The following AGMAT variants were observed in gnomAD, a reference collection of about 807,000 sequenced individuals.
AGMAT encodes the protein agmatinase (putative), also known as guanidino acid hydrolase, mitochondrial.
AGMAT carries 37 observed loss-of-function variants against 29.3 expected under a neutral mutation model. That is an observed-to-expected ratio of 1.26 (90% CI 0.97 to 1.66). The LOEUF (loss-of-function observed/expected upper bound fraction) is 1.66, where lower values mean the gene tolerates loss of function less well. Ranked by LOEUF, AGMAT falls within the 40% of genes most tolerant of loss-of-function variation. AGMAT has a pLI of 0.00. For synonymous variants in AGMAT, 199 were observed against 200.8 expected (o/e 0.99, Z 0.08); for missense variants, 498 against 497.8 (o/e 1.00, Z 0.00).
chr1:15,584,847 G>T lies in AGMAT; in HGVS notation c.121C>A (p.Arg41=), dbSNP rs1364351809. 7.0e-7 allele frequency: 1 copy of T among 1,428,504 alleles called. No homozygotes were observed. The highest frequency in any genetic ancestry group is 9.1e-7 in the Non-Finnish European group (1 of 1,096,290). The allele number at this position is 1,428,504 out of a possible 1,614,324, so 88.5% of individuals were successfully genotyped here. A position where few individuals can be genotyped will look rare whatever the true frequency, so the allele number is the denominator to read the frequency against. ...AACTCGGGGCTGGGGGGCTGGTTCC[G>T]GGGCGCGTCGGAAGCCTGGCGGCTC... ...RQSRQASDAP[R]NQPPSPEFVA... is the part of the protein sequence containing the mutation. The change falls in exon 1 of 7, where the codon CGG becomes AGG. Residue 41 remains arginine, a synonymous_variant. Coordinates refer to ENST00000375826, the MANE Select transcript of AGMAT (RefSeq NM_024758.5).
chr1:15,578,297 CT>C (rs113144511), intron 4 of AGMAT, among the ~76,000 whole-genome samples: 11 of 149,168 alleles, frequency 7.4e-5, no homozygotes, highest in African/African-American at 1.5e-4. Flanking sequence ...TTCCTCCCCT[CT>C]TTTTTTTTTC....
chr1:15,577,776 G>C lies in AGMAT; in HGVS notation c.809C>G (p.Pro270Arg). 1 of 1,614,114 alleles carries C rather than the reference G, an allele frequency of 6.2e-7. No homozygotes were observed. The highest frequency in any genetic ancestry group is 8.5e-7 in the Non-Finnish European group (1 of 1,180,026). ...GTCAATATCAAAGCTGATATAAATG[G>C]GTTTGCCTCCCATCTGCTGCCTGAC... Reference protein sequence around the residue: ...GEVRQQMGGKPIYISFDIDAL... With the variant: ...GEVRQQMGGKRIYISFDIDAL... Residue 270 changes from proline (P) to arginine (R), a missense_variant, in exon 5 of 7, where the codon CCC becomes CGC. Transcript: ENST00000375826.
At chr1:15,580,501 AG>A (rs1443421898) in intron 2 of AGMAT, among the ~76,000 whole-genome samples, 1 of 151,356 alleles carries the variant, frequency 6.6e-6, no homozygotes, top group Non-Finnish European at 1.5e-5. Context: ...CACCATGCCC[AG>A]CTGAATAATC....
At position 15,585,029 on chromosome 1, in the gene AGMAT, G is replaced by T; in HGVS notation, c.-62C>A. ...CCGCGAGGCCGCCGCGATCTGGCTGGTCCCGAACGGCGAGGCGAGTGTGCA... is the reference window on the plus strand; with the variant it reads ...CCGCGAGGCCGCCGCGATCTGGCTGTTCCCGAACGGCGAGGCGAGTGTGCA... On this transcript the variant is annotated 5_prime_UTR_variant, in exon 1 of 7. Coordinates refer to ENST00000375826, the MANE Select transcript of AGMAT (RefSeq NM_024758.5). The T allele has an allele frequency of 7.9e-7, 1 of 1,271,896 alleles. No individual in the cohort carries two copies. Among genetic ancestry groups the T allele is most frequent in the Non-Finnish European group, 9.9e-7 (1 of 1,011,664 alleles). The allele number at this position is 1,271,896 out of a possible 1,614,324, so 78.8% of individuals were successfully genotyped here.
chr1:15,576,401 G>A (rs1399968023), intron 5 of AGMAT, among the ~76,000 whole-genome samples: 7 of 151,216 alleles, frequency 4.6e-5, no homozygotes, highest in Admixed American at 2.0e-4. Context: ...CACTGCGCCC[G>A]GCCAAGTTTA....
Position 15,584,743 on chromosome 1 carries a change from G to T in AGMAT, c.225C>A (p.Phe75Leu). 5.2e-6 allele frequency: 7 copies of T among 1,348,072 alleles called. No homozygotes were observed. The highest frequency in any genetic ancestry group is 6.7e-6 in the Non-Finnish European group (7 of 1,044,560). The allele number at this position is 1,348,072 out of a possible 1,614,324, so 83.5% of individuals were successfully genotyped here. ...QTSPEGLDAA[F>L]IGVPLDTGTS... ...TCCCAGTATCCAGGGGCACCCCGAT[G>T]AAGGCAGCGTCCAGCCCCTCGGGGG... The change falls in exon 1 of 7, where the codon TTC becomes TTA. Residue 75 changes from phenylalanine to leucine, a missense_variant. Physicochemically the swap from Phe to Leu is conservative, Grantham distance 22. Transcript: ENST00000375826.
chr1:15,584,940 C>A lies in AGMAT; in HGVS notation c.28G>T (p.Ala10Ser), dbSNP rs914510096. 4.1e-5 allele frequency: 56 copies of A among 1,363,824 alleles called. 1 individual carries two copies. The Admixed American group carries it at 2.0e-3, about 49-fold the overall frequency. 84.5% of individuals were successfully genotyped at this position (1,363,824 alleles called of 1,614,324 possible). A position where few individuals can be genotyped will look rare whatever the true frequency, so the allele number is the denominator to read the frequency against. Residue 10 changes from alanine (A) to serine (S), a missense_variant, in exon 1 of 7, where the codon GCC (alanine) becomes TCC (serine). Ala to Ser is a moderately conservative substitution (Grantham distance 99). Transcript: ENST00000375826. Reference protein sequence around the residue: MLRLLASGCARGPGPGVGAR... With the variant: MLRLLASGCSRGPGPGVGAR... ...CCCACGCCGGGCCCCGGGCCCCGGGCGCACCCGGACGCCAGCAGCCTCAGC... is the reference window on the plus strand; with the variant it reads ...CCCACGCCGGGCCCCGGGCCCCGGGAGCACCCGGACGCCAGCAGCCTCAGC...
chr1:15,578,838 G>A (rs779379384), intron 4 of AGMAT, 21 bp downstream of exon 4: 4 of 1,610,768 alleles, frequency 2.5e-6, no homozygotes, highest in South Asian at 1.1e-5. Flanking sequence ...GGGCAAGGGT[G>A]GGGGGCATTC....
At chr1:15,584,582 C>G in intron 1 of AGMAT, 114 bp downstream of exon 1, 1 of 1,151,996 alleles carries the variant, frequency 8.7e-7, no homozygotes, top group Non-Finnish European at 1.1e-6. Context: ...AGCCGGCCAC[C>G]AGCTTCCAAC....
At chr1:15,575,729 T>TTTATTTA (rs373735878) in intron 5 of AGMAT, 1 of 142,702 alleles carries the variant, frequency 7.0e-6, no homozygotes, top group South Asian at 2.3e-4. Context: ...TCACATGCAC[T>TTTATTTA]TTTATTTATT....
In AGMAT at chr1:15,573,410, GA is replaced by G. The variant is rs375350467; in HGVS notation, c.*240del. On this transcript the variant is annotated 3_prime_UTR_variant, in exon 7 of 7. Coordinates refer to ENST00000375826, the MANE Select transcript of AGMAT (RefSeq NM_024758.5). The stretch of plus-strand genomic sequence containing the variant: ...CTTTATCCTCCATCTTTCATCAAAG[GA>G]AAAAAAATCAAAGCAGTACAAGTAC... 5 of 414,214 alleles carry G rather than the reference GA, an allele frequency of 1.2e-5. No homozygotes were observed. The highest frequency in any genetic ancestry group is 1.8e-5 in the Non-Finnish European group (4 of 227,166). The allele number at this position is 414,214 out of a possible 1,614,324, so 25.7% of individuals were successfully genotyped here.
At position 15,577,686 on chromosome 1, in the gene AGMAT, T is replaced by A; in HGVS notation, c.899A>T (p.Gln300Leu). ...TPEIAGLTPSQALEIIRGCQG... is the reference protein window; with the variant it reads ...TPEIAGLTPSLALEIIRGCQG... ...TCTTCACTGGTGGAATCTCCTTACC[T>A]GACTAGGAGTGAGACCAGCAATTTC... Residue 300 changes from glutamine to leucine, a missense_variant and splice_region_variant, in exon 5 of 7, where the codon CAG becomes CTG. By Grantham distance (113) the Gln-to-Leu change is moderately radical. Transcript: ENST00000375826. 1 of 1,611,264 alleles carries A rather than the reference T, an allele frequency of 6.2e-7. No individual in the cohort carries two copies. The highest frequency in any genetic ancestry group is 8.5e-7 in the Non-Finnish European group (1 of 1,177,866).
At chr1:15,576,655 C>G (rs1237000753) in intron 5 of AGMAT, among the ~76,000 whole-genome samples, 5 of 149,626 alleles carry the variant, frequency 3.3e-5, no homozygotes, top group Admixed American at 1.3e-4. Flanking sequence ...GTCTCGAACT[C>G]CTGACCTTGT....
At chr1:15,582,191 G>A (rs1056498000) in intron 2 of AGMAT, among the ~76,000 whole-genome samples, 12 of 151,554 alleles carry the variant, frequency 7.9e-5, no homozygotes, top group African/African-American at 2.2e-4. Context: ...GCTTGAACCC[G>A]GGAGGCGGAG....
intron 5 of AGMAT, 38 bp downstream of exon 5, chr1:15,577,647 C>T: frequency 6.4e-7 from 1 of 1,574,188 alleles, no homozygotes; most frequent in Non-Finnish European, 8.7e-7. Flanking sequence ...TGTTAAGTGT[C>T]TCCACCCCCA....
Position 15,573,705 on chromosome 1 carries a change from C to T in AGMAT, c.1005G>A (p.Ala335=), listed in dbSNP as rs775253819. 38 of 1,614,038 alleles carry T rather than the reference C, an allele frequency of 2.4e-5. No homozygotes were observed. The highest frequency in any genetic ancestry group is 1.2e-4 in the Admixed American group (7 of 59,992). The change falls in exon 7 of 7, where the codon GCG becomes GCA. Residue 335 remains alanine, a synonymous_variant. Coordinates refer to ENST00000375826, the MANE Select transcript of AGMAT (RefSeq NM_024758.5). ...ATAGCATCTCAAACAGCAGGTTAGC[C>T]GCCAGCAGGGCTGTGTTCCCTAAGA... is the stretch of plus-strand genomic sequence containing the variant. The part of the protein sequence containing the change: ...YDLSGNTALL[A]ANLLFEMLCA...
In AGMAT at chr1:15,577,730, C is replaced by T. The variant is rs780632221; in HGVS notation, c.855G>A (p.Ala285=). The T allele has an allele frequency of 4.7e-5, 76 of 1,613,998 alleles. No individual in the cohort carries two copies. Among genetic ancestry groups the T allele is most frequent in the South Asian group, 6.6e-5 (6 of 91,086 alleles). The part of the protein sequence containing the change: ...FDIDALDPAY[A]PGTGTPEIAG... ...CAATTTCAGGTGTCCCTGTCCCTGG[C>T]GCATAGGCAGGATCCAGAGCGTCAA... Residue 285 remains alanine (A), a synonymous_variant, in exon 5 of 7, where the codon GCG becomes GCA. Coordinates refer to ENST00000375826, the MANE Select transcript of AGMAT (RefSeq NM_024758.5).
At position 15,574,922 on chromosome 1, in the gene AGMAT, C is replaced by T. The variant is rs148907096; in HGVS notation, c.901-81G>A. On this transcript the variant is annotated intron_variant, in intron 5 of 6. Coordinates refer to ENST00000375826, the MANE Select transcript of AGMAT (RefSeq NM_024758.5). ...ACCCAGTAGAGCTTTTCCCAGCCCA[C>T]GCCACCCTTTGACTTGGAATTGGCT... 1,422 of 1,118,728 alleles carry T rather than the reference C, an allele frequency of 1.3e-3. 2 individuals are homozygous for T. The highest frequency in any genetic ancestry group is 1.9e-3 in the African/African-American group (125 of 64,992). 69.3% of individuals were successfully genotyped at this position (1,118,728 alleles called of 1,614,324 possible). A position where few individuals can be genotyped will look rare whatever the true frequency, so the allele number is the denominator to read the frequency against.
In AGMAT at chr1:15,573,286, T is replaced by C. The variant is rs918425158; in HGVS notation, c.*365A>G. 4 of 162,828 alleles carry C rather than the reference T, an allele frequency of 2.5e-5. No individual in the cohort carries two copies. The highest frequency in any genetic ancestry group is 5.4e-5 in the Non-Finnish European group (4 of 74,752). The allele number at this position is 162,828 out of a possible 1,614,324, so 10.1% of individuals were successfully genotyped here. A position where few individuals can be genotyped will look rare whatever the true frequency, so the allele number is the denominator to read the frequency against. Reference sequence around the variant, plus strand: ...AAAAAAAATGTTTAAAAGGAAGATATAGAAATATGGAATGCTTATACAGTA... The same window carrying C: ...AAAAAAAATGTTTAAAAGGAAGATACAGAAATATGGAATGCTTATACAGTA... On this transcript the variant is annotated 3_prime_UTR_variant, in exon 7 of 7. Coordinates refer to ENST00000375826, the MANE Select transcript of AGMAT (RefSeq NM_024758.5).
Sources: gnomAD v4.1 joint callset for allele counts (sites outside exome capture counted in the v4.1 genomes callset) on GRCh38, gnomAD v4.1.1 for gene constraint, MANE v1.5 for transcripts, NCBI Gene and HGNC (gene_info 2026-07-23, HGNC 2026-07-21) for gene names.